Variants in ICA1L observed in about 807,000 individuals in gnomAD.
The protein encoded by ICA1L is islet cell autoantigen 1-like protein.
ICA1L carries 50 observed loss-of-function variants against 61.3 expected under a neutral mutation model. That is an observed-to-expected ratio of 0.82 (90% CI 0.65 to 1.03). The LOEUF is 1.03. Ranked by LOEUF, ICA1L falls within the 50% of genes least tolerant of loss-of-function variation. The probability of loss-of-function intolerance (pLI) is 0.00; values close to 1 mark genes in which losing one functional copy is unlikely to be tolerated. For synonymous variants in ICA1L, 161 were observed against 191.3 expected (o/e 0.84, Z 1.31); for missense variants, 508 against 556.7 (o/e 0.91, Z 0.88).
At chr2:202,867,827 C>T (rs1056167198) in intron 1 of ICA1L, among the ~76,000 whole-genome samples, 2 of 152,038 alleles carry the variant, frequency 1.3e-5, no homozygotes, top group Non-Finnish European at 2.9e-5. Flanking sequence ...TTCTTGGAAA[C>T]GCACACAATC....
At chr2:202,857,961 C>G (rs565282343) in intron 1 of ICA1L, among the ~76,000 whole-genome samples, 141 of 152,222 alleles carry the variant, frequency 9.3e-4, no homozygotes, top group African/African-American at 3.2e-3. Context: ...ATTAAAAAGT[C>G]AGGAAACAAC....
At position 202,773,857 on chromosome 2, in the gene ICA1L, C is replaced by T. The variant is rs965293500; in HGVS notation, c.*5676G>A. 38 of 1,331,990 alleles carry T rather than the reference C, an allele frequency of 2.9e-5. No homozygotes were observed. The East Asian group carries it at 3.9e-4, about 14-fold the overall frequency. 82.5% of individuals were successfully genotyped at this position (1,331,990 alleles called of 1,614,324 possible). On this transcript the variant is annotated 3_prime_UTR_variant, in exon 13 of 13. Transcript: ENST00000358299. ...GTGCAGCCCTGTGGGAAGTTTTCTT[C>T]TACAGAGGCTGAGTGGAACAGTCCT...
At chr2:202,799,632 A>G (rs893013640) in intron 9 of ICA1L, among the ~76,000 whole-genome samples, 8 of 151,978 alleles carry the variant, frequency 5.3e-5, no homozygotes, top group Admixed American at 2.0e-4. Flanking sequence ...AGTCCCTTTT[A>G]TCTATTTTTG....
intron 8 of ICA1L, among the ~76,000 whole-genome samples, chr2:202,813,092 C>T (rs1335966286): frequency 6.6e-6 from 1 of 151,916 alleles, no homozygotes; most frequent in Non-Finnish European, 1.5e-5. Flanking sequence ...AACTCCATCT[C>T]TACTAAAAAA....
intron 9 of ICA1L, among the ~76,000 whole-genome samples, chr2:202,802,418 C>T (rs901286283): frequency 6.6e-6 from 1 of 151,948 alleles, no homozygotes; most frequent in Non-Finnish European, 1.5e-5. Flanking sequence ...ATAGTTGAGT[C>T]ATGCATATTT....
intron 1 of ICA1L, among the ~76,000 whole-genome samples, chr2:202,857,914 A>G (rs1694810430): frequency 6.6e-6 from 1 of 152,230 alleles, no homozygotes; most frequent in Non-Finnish European, 1.5e-5. Context: ...TCAATACCAC[A>G]GTGAGATACC....
intron 1 of ICA1L, among the ~76,000 whole-genome samples, chr2:202,835,994 C>G (rs1394563222): frequency 6.6e-6 from 1 of 152,198 alleles, no homozygotes; most frequent in Non-Finnish European, 1.5e-5. Flanking sequence ...CACTGACAAT[C>G]TGAAAGCCTT....
intron 1 of ICA1L, among the ~76,000 whole-genome samples, chr2:202,829,786 T>C (rs1693963254): frequency 6.6e-6 from 1 of 152,208 alleles, no homozygotes; most frequent in African/African-American, 2.4e-5. Context: ...AAAAATTATA[T>C]TTTATTTGAT....
At chr2:202,792,155 G>A (rs907301765) in intron 10 of ICA1L, among the ~76,000 whole-genome samples, 2 of 152,128 alleles carry the variant, frequency 1.3e-5, no homozygotes, top group African/African-American at 2.4e-5. Flanking sequence ...GTGACAGAGC[G>A]AGACTCCATC....
intron 1 of ICA1L, among the ~76,000 whole-genome samples, chr2:202,845,198 G>A (rs1694434109): frequency 6.6e-6 from 1 of 152,092 alleles, no homozygotes; most frequent in Non-Finnish European, 1.5e-5. Flanking sequence ...ACAGTCTCTT[G>A]CAACAGAAAG....
intron 1 of ICA1L, chr2:202,841,616 C>T: frequency 1.5e-6 from 1 of 647,956 alleles, no homozygotes; most frequent in East Asian, 3.3e-5. Flanking sequence ...ACCATAACTT[C>T]CACCCAGGAC....
At chr2:202,862,752 T>G (rs1202308393) in intron 1 of ICA1L, among the ~76,000 whole-genome samples, 1 of 149,442 alleles carries the variant, frequency 6.7e-6, no homozygotes, top group Non-Finnish European at 1.5e-5. Flanking sequence ...CAGGAGAATC[T>G]CTTGAACCCG....
rs572611431 is a variant in ICA1L, at chr2:202,834,522, G to A, written c.-7-5506C>T. On this transcript the variant is annotated intron_variant, in intron 1 of 12. Coordinates refer to ENST00000358299, the MANE Select transcript of ICA1L (RefSeq NM_001288622.3). ...AAGTACCTGCAGTCCCTGCTACTAG[G>A]GAGGCTGAGGTGGGAGGATCACTTG... is the stretch of plus-strand genomic sequence containing the variant. 1.7e-3 allele frequency among the ~76,000 whole-genome samples: 264 copies of A among 152,160 alleles called. 1 individual carries two copies. Among genetic ancestry groups the A allele is most frequent in the Admixed American group, 8.4e-3 (129 of 15,284 alleles).
At chr2:202,805,707 T>C (rs1324255864) in intron 9 of ICA1L, among the ~76,000 whole-genome samples, 1 of 152,020 alleles carries the variant, frequency 6.6e-6, no homozygotes, top group Non-Finnish European at 1.5e-5. Flanking sequence ...AGAATAATAA[T>C]AATAAACCAT....
chr2:202,836,441 A>G (rs560270703), intron 1 of ICA1L, among the ~76,000 whole-genome samples: 1 of 152,254 alleles, frequency 6.6e-6, no homozygotes, highest in Admixed American at 6.5e-5. Context: ...TTCTGCATCT[A>G]TGTTTATCAA....
rs1265593333 is a variant in ICA1L at position 202,778,415 on chromosome 2, A to C, written c.*1118T>G. 1 of 152,202 alleles carries C rather than the reference A, an allele frequency of 6.6e-6. No individual in the cohort carries two copies. The highest frequency in any genetic ancestry group is 1.5e-5 in the Non-Finnish European group (1 of 68,028). The allele number at this position is 152,202 out of a possible 1,614,324, so 9.4% of individuals were successfully genotyped here. ...CCTGTAGGGGTAACAGATTTTGCTT[A>C]GTAATCAAATAGAACCTCAGATCAT... On this transcript the variant is annotated 3_prime_UTR_variant, in exon 13 of 13. Coordinates refer to ENST00000358299, the MANE Select transcript of ICA1L (RefSeq NM_001288622.3).
Position 202,775,985 on chromosome 2 carries a change from T to G in ICA1L, c.*3548A>C, listed in dbSNP as rs1481653725. 1 of 152,204 alleles carries G rather than the reference T, an allele frequency of 6.6e-6. No homozygotes were observed. The highest frequency in any genetic ancestry group is 2.4e-5 in the African/African-American group (1 of 41,448). 9.4% of individuals were successfully genotyped at this position (152,204 alleles called of 1,614,324 possible). A position where few individuals can be genotyped will look rare whatever the true frequency, so the allele number is the denominator to read the frequency against. On this transcript the variant is annotated 3_prime_UTR_variant, in exon 13 of 13. Coordinates refer to ENST00000358299, the MANE Select transcript of ICA1L (RefSeq NM_001288622.3). ...AACAAACTCTTGTTTTATGCCTTCT[T>G]GCAATCTTTATTAAAAGAGGCTCAG...
intron 1 of ICA1L, among the ~76,000 whole-genome samples, chr2:202,853,620 G>A (rs1306833519): frequency 2.0e-5 from 3 of 151,838 alleles, no homozygotes; most frequent in Non-Finnish European, 4.4e-5. Context: ...CTGACAAAGG[G>A]CTAATATCCA....
At chr2:202,798,480 A>T (rs779627477) in intron 9 of ICA1L, among the ~76,000 whole-genome samples, 1 of 152,138 alleles carries the variant, frequency 6.6e-6, no homozygotes, top group Non-Finnish European at 1.5e-5. Context: ...GGCTCAAGCA[A>T]TCCTCCCACC....
Sources: gnomAD v4.1 joint callset for allele counts (sites outside exome capture counted in the v4.1 genomes callset) on GRCh38, gnomAD v4.1.1 for gene constraint, MANE v1.5 for transcripts, NCBI Gene and HGNC (gene_info 2026-07-23, HGNC 2026-07-21) for gene names.